Variants in MOB1B observed in about 807,000 individuals in gnomAD.
The protein encoded by MOB1B is MOB1 Mps One Binder homolog B.
Under a neutral mutation model 24.4 loss-of-function variants are expected in MOB1B, and 19 were observed. The observed-to-expected ratio is 0.78, with a 90% CI of 0.54 to 1.14. The LOEUF (loss-of-function observed/expected upper bound fraction) is 1.14, where lower values mean the gene tolerates loss of function less well. Ranked by LOEUF, MOB1B falls within the 50% of genes most tolerant of loss-of-function variation. MOB1B has a pLI of 0.00. For missense variants in MOB1B, 243 were observed against 259.6 expected, an observed-to-expected ratio of 0.94 and a Z score of 0.44; for synonymous variants, 76 against 82.1, an observed-to-expected ratio of 0.93 and a Z score of 0.40.
intron 1 of MOB1B, among the ~76,000 whole-genome samples, chr4:70,912,387 C>T (rs1441427133): frequency 1.3e-5 from 2 of 151,502 alleles, no homozygotes; most frequent in African/African-American, 2.4e-5. Context: ...TCAAGTAATT[C>T]ACCTGCTTCA....
intron 1 of MOB1B, among the ~76,000 whole-genome samples, chr4:70,919,873 C>G (rs1467399827): frequency 1.3e-5 from 2 of 152,154 alleles, no homozygotes; most frequent in Non-Finnish European, 2.9e-5. Flanking sequence ...GATGTAAAAC[C>G]TGGTGAGTTA....
At chr4:70,965,078 C>T (rs1381489940) in intron 2 of MOB1B, among the ~76,000 whole-genome samples, 1 of 151,770 alleles carries the variant, frequency 6.6e-6, no homozygotes, top group Non-Finnish European at 1.5e-5. Context: ...TAGGTGGATA[C>T]TTGAGGTCAG....
chr4:70,955,362 A>G, intron 1 of MOB1B, among the ~76,000 whole-genome samples: 1 of 152,102 alleles, frequency 6.6e-6, no homozygotes, highest in Non-Finnish European at 1.5e-5. Flanking sequence ...CTTTGTCTGA[A>G]GATTTGCACC....
intron 2 of MOB1B, among the ~76,000 whole-genome samples, chr4:70,959,896 AT>A (rs1239279289): frequency 6.6e-6 from 1 of 151,756 alleles, no homozygotes; most frequent in African/African-American, 2.4e-5. Flanking sequence ...TTTTATTTTT[AT>A]TTTGAGATCG....
chr4:70,979,065 G>A (rs547681521), intron 4 of MOB1B, 63 bp from the exon 5 acceptor site: 11 of 1,381,284 alleles, frequency 8.0e-6, no homozygotes, highest in East Asian at 6.9e-5. Flanking sequence ...GACCTTTGCC[G>A]ACAAACTCAT....
At chr4:70,967,991 A>C (rs1449074943) in intron 2 of MOB1B, among the ~76,000 whole-genome samples, 1 of 151,900 alleles carries the variant, frequency 6.6e-6, no homozygotes, top group African/African-American at 2.4e-5. Context: ...AGGCATGACC[A>C]CCATGCCCAG....
At chr4:70,943,968 A>G (rs1456141320) in intron 1 of MOB1B, among the ~76,000 whole-genome samples, 1 of 152,238 alleles carries the variant, frequency 6.6e-6, no homozygotes, top group Non-Finnish European at 1.5e-5. Flanking sequence ...AAAAACACAG[A>G]TCACAATTTT....
At chr4:70,965,796 C>CAAAAAAAAAAAA (rs71211986) in intron 2 of MOB1B, among the ~76,000 whole-genome samples, 6 of 28,704 alleles carry the variant, frequency 2.1e-4, no homozygotes, top group African/African-American at 4.2e-4. Context: ...GACTCCGTCT[C>CAAAAAAAAAAAA]AAAAAAAAAA....
At chr4:70,912,577 C>G (rs1288380271) in intron 1 of MOB1B, among the ~76,000 whole-genome samples, 1 of 152,106 alleles carries the variant, frequency 6.6e-6, no homozygotes, top group Non-Finnish European at 1.5e-5. Flanking sequence ...CACGCCCGGC[C>G]TTAAATTTAA....
At chr4:70,956,831 A>G (rs1738073681) in intron 1 of MOB1B, among the ~76,000 whole-genome samples, 1 of 152,188 alleles carries the variant, frequency 6.6e-6, no homozygotes, top group African/African-American at 2.4e-5. Context: ...GGAGAGACCT[A>G]CATTTAAATG....
chr4:70,914,230 A>G (rs1436410231), intron 1 of MOB1B, among the ~76,000 whole-genome samples: 1 of 152,180 alleles, frequency 6.6e-6, no homozygotes, highest in Admixed American at 6.5e-5. Context: ...TGTGAGCAAT[A>G]AATTTCTGTT....
chr4:70,926,853 C>T (rs1484847648), intron 1 of MOB1B, among the ~76,000 whole-genome samples: 2 of 151,782 alleles, frequency 1.3e-5, no homozygotes, highest in Non-Finnish European at 2.9e-5. Context: ...AAAAATTAGC[C>T]GGGCGTGGTG....
At chr4:70,902,791 C>T (rs558173983) in intron 1 of MOB1B, among the ~76,000 whole-genome samples, 3 of 152,212 alleles carry the variant, frequency 2.0e-5, no homozygotes, top group Non-Finnish European at 2.9e-5. Context: ...TTCTTCCCCC[C>T]CGGCACACCC....
rs1378335977 is a variant in MOB1B at position 70,987,060 on chromosome 4, T to C, written c.*5003T>C. 1 of 151,916 alleles carries C rather than the reference T, an allele frequency of 6.6e-6. No homozygotes were observed. The highest frequency in any genetic ancestry group is 2.4e-5 in the African/African-American group (1 of 41,458). The allele number at this position is 151,916 out of a possible 1,614,324, so 9.4% of individuals were successfully genotyped here. A position where few individuals can be genotyped will look rare whatever the true frequency, so the allele number is the denominator to read the frequency against. ...GTAGATAGTAAAATCACTGGCTTTT[T>C]CCAGCTGTATGTTTTTCCACTGTGC... On this transcript the variant is annotated 3_prime_UTR_variant, in exon 6 of 6. Transcript: ENST00000309395.
intron 4 of MOB1B, among the ~76,000 whole-genome samples, chr4:70,977,306 G>C (rs2148903626): frequency 6.6e-6 from 1 of 152,176 alleles, no homozygotes; most frequent in Non-Finnish European, 1.5e-5. Flanking sequence ...GTTGAGGAGT[G>C]CATATTATTT....
chr4:70,946,992 G>T (rs1420146881), intron 1 of MOB1B, among the ~76,000 whole-genome samples: 3 of 152,116 alleles, frequency 2.0e-5, no homozygotes, highest in Admixed American at 6.5e-5. Context: ...CAAAACTAGG[G>T]TGCTTCAAAT....
chr4:70,974,608 T>C (rs1177345129), intron 3 of MOB1B, among the ~76,000 whole-genome samples: 1 of 152,212 alleles, frequency 6.6e-6, no homozygotes, highest in Non-Finnish European at 1.5e-5. Flanking sequence ...TTATTTGGGT[T>C]GCAAATTTTC....
At chr4:70,958,763 T>C (rs1192224569) in intron 1 of MOB1B, 111 bp from the exon 2 acceptor site, 11 of 993,028 alleles carry the variant, frequency 1.1e-5, no homozygotes, top group Non-Finnish European at 1.7e-5. Flanking sequence ...TTACAGCAAT[T>C]CTATTGCTGG....
intron 4 of MOB1B, chr4:70,976,286 G>A (rs139882446): frequency 1.9e-5 from 19 of 984,330 alleles, no homozygotes; most frequent in Non-Finnish European, 2.3e-5. Flanking sequence ...TGCCACAGTT[G>A]TATCTACTTA....
Sources: allele counts gnomAD v4.1 joint callset (sites outside exome capture counted in the v4.1 genomes callset), GRCh38; gene constraint gnomAD v4.1.1; transcripts MANE v1.5; gene names NCBI Gene and HGNC (gene_info 2026-07-23, HGNC 2026-07-21).